The following PLXNA4 variants were observed in gnomAD, a reference collection of about 807,000 sequenced individuals.
PLXNA4 encodes plexin A4.
PLXNA4 carries 44 observed loss-of-function variants against 191.8 expected under a neutral mutation model. The observed-to-expected ratio is 0.23, with a 90% CI of 0.18 to 0.29. The LOEUF (loss-of-function observed/expected upper bound fraction) is 0.29, where lower values mean the gene tolerates loss of function less well. Among genes scored for constraint, PLXNA4 ranks in the 10% least tolerant of loss-of-function variants. The probability of loss-of-function intolerance (pLI) is 1.00; values close to 1 mark genes in which losing one functional copy is unlikely to be tolerated. For synonymous variants in PLXNA4, 1,082 were observed against 1,009.5 expected, an observed-to-expected ratio of 1.07 and a Z score of -1.36; for missense variants, 1,800 against 2,488.8, an observed-to-expected ratio of 0.72 and a Z score of 5.89.
chr7:132,379,358 A>C (rs957915048), intron 3 of PLXNA4, among the ~76,000 whole-genome samples: 3 of 152,172 alleles, frequency 2.0e-5, no homozygotes, highest in Non-Finnish European at 2.9e-5. Context: ...CTACCACGCA[A>C]GGGAGAACCA....
intron 25 of PLXNA4, among the ~76,000 whole-genome samples, chr7:132,154,611 C>A (rs1158394866): frequency 6.6e-6 from 1 of 152,210 alleles, no homozygotes; most frequent in Non-Finnish European, 1.5e-5. Context: ...GCCCCGCTTC[C>A]TGATTTAAGA....
intron 19 of PLXNA4, 105 bp from the exon 20 acceptor site, chr7:132,180,026 G>A (rs1796654190): frequency 1.4e-6 from 2 of 1,455,016 alleles, no homozygotes; most frequent in South Asian, 1.4e-5. Flanking sequence ...ATGACGGAAA[G>A]GAGACCAATC....
intron 18 of PLXNA4, among the ~76,000 whole-genome samples, 164 bp from the exon 19 acceptor site, chr7:132,180,896 T>C (rs537341792): frequency 1.3e-5 from 2 of 152,210 alleles, no homozygotes; most frequent in Non-Finnish European, 2.9e-5. Flanking sequence ...ACTACCACCA[T>C]TGCCTCTTCC....
At chr7:132,555,074 C>CAAAAAAAAAAAAAGAAG (rs1800741249) in intron 1 of PLXNA4, among the ~76,000 whole-genome samples, 1 of 146,362 alleles carries the variant, frequency 6.8e-6, no homozygotes, top group African/African-American at 2.6e-5. Flanking sequence ...AAAACAGTAA[C>CAAAAAAAAAAAAAGAAG]CATCACCATG....
At chr7:132,344,924 G>T (rs1585016603) in intron 3 of PLXNA4, among the ~76,000 whole-genome samples, 1 of 152,120 alleles carries the variant, frequency 6.6e-6, no homozygotes, top group East Asian at 1.9e-4. Context: ...GAGGAATGAG[G>T]GTTGCTGTGG....
chr7:132,382,185 G>T (rs543602805), intron 3 of PLXNA4, among the ~76,000 whole-genome samples: 22 of 152,182 alleles, frequency 1.4e-4, no homozygotes, highest in Non-Finnish European at 3.2e-4. Flanking sequence ...AGGCTGAGGA[G>T]GTCTCCTTCT....
Position 132,127,745 on chromosome 7 carries a change from C to G in PLXNA4, c.*2734G>C, listed in dbSNP as rs571160267. 2 of 152,248 alleles carry G rather than the reference C, an allele frequency of 1.3e-5. No individual in the cohort carries two copies. The highest frequency in any genetic ancestry group is 2.4e-5 in the African/African-American group (1 of 41,518). The allele number at this position is 152,248 out of a possible 1,614,324, so 9.4% of individuals were successfully genotyped here. On this transcript the variant is annotated 3_prime_UTR_variant, in exon 32 of 32. Coordinates refer to ENST00000321063, the MANE Select transcript of PLXNA4 (RefSeq NM_020911.2). ...TCAAACCAGCCCCAAACCCCTCCCC[C>G]AGGAGAAATGGGGACAGCCAGAAAA...
intron 20 of PLXNA4, among the ~76,000 whole-genome samples, chr7:132,178,756 C>G (rs1796569786): frequency 7.7e-6 from 1 of 129,842 alleles, no homozygotes; most frequent in Non-Finnish European, 1.6e-5. Context: ...CATACACACA[C>G]ACACACACAC....
At chr7:132,607,327 C>A (rs962920538) in intron 2 of PLXNA4, among the ~76,000 whole-genome samples, 1 of 152,162 alleles carries the variant, frequency 6.6e-6, no homozygotes, top group African/African-American at 2.4e-5. Flanking sequence ...TCCACCTTCT[C>A]CCCCTCCTGC....
intron 1 of PLXNA4, among the ~76,000 whole-genome samples, chr7:132,570,268 GA>G (rs1339157959): frequency 1.3e-5 from 2 of 152,136 alleles, no homozygotes; most frequent in Non-Finnish European, 2.9e-5. Context: ...AGATGGAGAG[GA>G]AGAAAACGAA....
intron 3 of PLXNA4, among the ~76,000 whole-genome samples, chr7:132,350,665 T>C (rs1294176678): frequency 6.6e-6 from 1 of 152,014 alleles, no homozygotes; most frequent in African/African-American, 2.4e-5. Context: ...TGTGCAGCAA[T>C]TGGAACCCTC....
chr7:132,316,468 C>T (rs1801948524), intron 3 of PLXNA4, among the ~76,000 whole-genome samples: 1 of 152,196 alleles, frequency 6.6e-6, no homozygotes, highest in African/African-American at 2.4e-5. Context: ...AGACCCTAAA[C>T]TCTCACAAAC....
intron 3 of PLXNA4, among the ~76,000 whole-genome samples, chr7:132,388,499 T>C (rs775662614): frequency 1.3e-5 from 2 of 152,144 alleles, no homozygotes; most frequent in Admixed American, 6.5e-5. Context: ...CTTATTATTG[T>C]ATTGTAATAG....
rs191580760 is a variant in PLXNA4, at chr7:132,406,332, G to T, written c.1371+82960C>A. Among the ~76,000 whole-genome samples the T allele has an allele frequency of 4.6e-5, 7 of 152,280 alleles. No homozygotes were observed. In the East Asian group the frequency reaches 1.4e-3, roughly 29 times the overall value. ...TAGATAAGTCACTCACGCACTTCAA[G>T]AACTTCTTCAAAATTGGAGTCAGTT... is the stretch of plus-strand genomic sequence containing the variant. On this transcript the variant is annotated intron_variant, in intron 3 of 31. Coordinates refer to ENST00000321063, the MANE Select transcript of PLXNA4 (RefSeq NM_020911.2).
At chr7:132,199,979 G>A (rs1388280081) in intron 12 of PLXNA4, among the ~76,000 whole-genome samples, 1 of 152,232 alleles carries the variant, frequency 6.6e-6, no homozygotes, top group Non-Finnish European at 1.5e-5. Context: ...GTGGACAGAT[G>A]TGGGGAAGGT....
chr7:132,246,860 C>A (rs1165402449), intron 4 of PLXNA4, among the ~76,000 whole-genome samples: 1 of 152,052 alleles, frequency 6.6e-6, no homozygotes, highest in East Asian at 1.9e-4. Flanking sequence ...CCAAAGGCCA[C>A]AAATTTACAA....
chr7:132,610,593 TA>T (rs1803026511), intron 2 of PLXNA4, among the ~76,000 whole-genome samples: 1 of 152,240 alleles, frequency 6.6e-6, no homozygotes, highest in Non-Finnish European at 1.5e-5. Flanking sequence ...CAACCTGCCC[TA>T]ACATTCAGCC....
At chr7:132,316,654 A>G (rs1405407005) in intron 3 of PLXNA4, among the ~76,000 whole-genome samples, 1 of 152,224 alleles carries the variant, frequency 6.6e-6, no homozygotes, top group Non-Finnish European at 1.5e-5. Context: ...GCTCCCCAGC[A>G]GATGAAGAAC....
chr7:132,348,894 AT>A (rs1036573634), intron 3 of PLXNA4, among the ~76,000 whole-genome samples: 27 of 151,914 alleles, frequency 1.8e-4, no homozygotes, highest in African/African-American at 6.0e-4. Flanking sequence ...GGTGGAAAAA[AT>A]TTTTTTTGAG....
Sources: allele counts gnomAD v4.1 joint callset (sites outside exome capture counted in the v4.1 genomes callset), GRCh38; gene constraint gnomAD v4.1.1; transcripts MANE v1.5; gene names NCBI Gene and HGNC (gene_info 2026-07-23, HGNC 2026-07-21).